Variants in CAMTA1 observed in about 807,000 individuals in gnomAD.
The protein encoded by CAMTA1 is calmodulin binding transcription activator 1.
In CAMTA1, 27 loss-of-function variants were observed where a neutral mutation model predicts 170.9. That is an observed-to-expected ratio of 0.16 (90% confidence interval 0.12 to 0.22). CAMTA1 has a LOEUF of 0.22. Among genes scored for constraint, CAMTA1 ranks in the 10% least tolerant of loss-of-function variants. The pLI is 1.00. For synonymous variants in CAMTA1, 833 were observed against 891.5 expected (o/e 0.93, Z 1.17); for missense variants, 1,619 against 2,217.2 (o/e 0.73, Z 5.42).
At chr1:7,569,709 C>A (rs960111410) in intron 6 of CAMTA1, among the ~76,000 whole-genome samples, 1 of 151,932 alleles carries the variant, frequency 6.6e-6, no homozygotes, top group Non-Finnish European at 1.5e-5. Flanking sequence ...CCATCATCAT[C>A]ACCACCATTG....
intron 5 of CAMTA1, among the ~76,000 whole-genome samples, chr1:7,378,405 G>A (rs767570935): frequency 6.6e-6 from 1 of 152,196 alleles, no homozygotes; most frequent in African/African-American, 2.4e-5. Context: ...CTATCCATAC[G>A]ATGGAATAAT....
At chr1:7,574,439 A>C (rs1307678280) in intron 6 of CAMTA1, among the ~76,000 whole-genome samples, 1 of 152,216 alleles carries the variant, frequency 6.6e-6, no homozygotes, top group Non-Finnish European at 1.5e-5. Flanking sequence ...TGCACAGCCC[A>C]GGATGTGCAG....
At chr1:7,717,257 T>C (rs529304619) in intron 11 of CAMTA1, among the ~76,000 whole-genome samples, 97 of 152,246 alleles carry the variant, frequency 6.4e-4, no homozygotes, top group African/African-American at 2.3e-3. Flanking sequence ...AGAGGGTAGA[T>C]GTTAAATGCC....
intron 6 of CAMTA1, among the ~76,000 whole-genome samples, chr1:7,629,637 C>G (rs1233526160): frequency 6.6e-6 from 1 of 152,206 alleles, no homozygotes. Flanking sequence ...CCACTGTTAT[C>G]TTTCTGGACC....
chr1:7,738,834 T>C lies in CAMTA1; in HGVS notation c.4182+352T>C, dbSNP rs1167829460. 1.3e-5 allele frequency among the ~76,000 whole-genome samples: 2 copies of C among 149,988 alleles called. No homozygotes were observed. The highest frequency in any genetic ancestry group is 3.0e-5 in the Non-Finnish European group (2 of 66,832). On this transcript the variant is annotated intron_variant, in intron 16 of 22. Coordinates refer to ENST00000303635, the MANE Select transcript of CAMTA1 (RefSeq NM_015215.4). This position sits in a 1 kb window ranked among gnomAD's most constrained non-coding sequence, Gnocchi z 4.9. ...TAAGTACTAGTTACTAGTTAGAATA[T>C]AGTCAAGACCTAAAAATAGCTAGAA...
intron 4 of CAMTA1, among the ~76,000 whole-genome samples, chr1:7,171,214 TC>T (rs1359292937): frequency 6.6e-6 from 1 of 152,194 alleles, no homozygotes; most frequent in African/African-American, 2.4e-5. Context: ...AGTGGCCAGT[TC>T]AAGAAAGGTT....
At chr1:6,807,765 G>C (rs1644693730) in intron 1 of CAMTA1, among the ~76,000 whole-genome samples, 1 of 151,556 alleles carries the variant, frequency 6.6e-6, no homozygotes, top group East Asian at 1.9e-4. Context: ...TCCATGGTTA[G>C]CTATTTAGAA....
intron 3 of CAMTA1, among the ~76,000 whole-genome samples, chr1:6,939,487 C>T (rs548971383): frequency 3.9e-5 from 6 of 152,266 alleles, no homozygotes; most frequent in South Asian, 4.1e-4. Flanking sequence ...CTGCCAGCAC[C>T]GCCCATGGGC....
chr1:7,615,908 C>T (rs1243328001), intron 6 of CAMTA1, among the ~76,000 whole-genome samples: 3 of 152,238 alleles, frequency 2.0e-5, no homozygotes, highest in Non-Finnish European at 4.4e-5. Context: ...TCAGGCCTGC[C>T]ATTCACATCC....
intron 5 of CAMTA1, among the ~76,000 whole-genome samples, chr1:7,350,877 G>A (rs535632265): frequency 6.6e-6 from 1 of 152,370 alleles, no homozygotes; most frequent in East Asian, 1.9e-4. Flanking sequence ...TCCCGTAGGG[G>A]ATGAGAAGGG....
At chr1:6,790,597 G>A (rs904537473) in intron 1 of CAMTA1, among the ~76,000 whole-genome samples, 1 of 151,950 alleles carries the variant, frequency 6.6e-6, no homozygotes, top group African/African-American at 2.4e-5. Context: ...TTTTTCTTCG[G>A]ATTAACTGGT....
At chr1:7,155,496 A>G (rs1376040155) in intron 4 of CAMTA1, among the ~76,000 whole-genome samples, 1 of 147,686 alleles carries the variant, frequency 6.8e-6, no homozygotes, top group Non-Finnish European at 1.5e-5. Flanking sequence ...GTCATTAACG[A>G]GCCATGAGGC....
At chr1:7,550,779 C>G (rs1193157) in intron 6 of CAMTA1, among the ~76,000 whole-genome samples, 81,222 of 111,538 alleles carry the variant, frequency 0.73, 30,544 homozygotes, top group African/African-American at 0.81. Context: ...CCTCTCCTAC[C>G]TGACCGTCTT....
intron 4 of CAMTA1, among the ~76,000 whole-genome samples, chr1:7,155,848 GCA>G (rs1449962779): frequency 6.6e-6 from 1 of 152,194 alleles, no homozygotes; most frequent in Non-Finnish European, 1.5e-5. Context: ...CGTTTGCTGT[GCA>G]CGTGCCTGGG....
At chr1:7,077,432 C>G (rs1639448471) in intron 3 of CAMTA1, among the ~76,000 whole-genome samples, 1 of 151,900 alleles carries the variant, frequency 6.6e-6, no homozygotes, top group South Asian at 2.1e-4. Context: ...GTGTTGTACC[C>G]CTTGTATGGG....
rs374943938 is a variant in CAMTA1, at chr1:7,175,055, C to CGTGT, written c.303-74425_303-74422dup. Among the ~76,000 whole-genome samples, 8 of 150,976 alleles carry CGTGT rather than the reference C, an allele frequency of 5.3e-5. No individual in the cohort carries two copies. In the East Asian group the frequency reaches 1.6e-3, roughly 29 times the overall value. On this transcript the variant is annotated intron_variant, in intron 4 of 22. Transcript: ENST00000303635. ...CTTGGTACATCCTGGTGTGTGTGTG[C>CGTGT]GTGTGTGTGTGTGTATGTGCGTGTC...
At chr1:7,640,808 G>A (rs2095754604) in intron 7 of CAMTA1, among the ~76,000 whole-genome samples, 1 of 152,206 alleles carries the variant, frequency 6.6e-6, no homozygotes, top group Non-Finnish European at 1.5e-5. Flanking sequence ...GAGACACAGA[G>A]CATGTAGAGG....
intron 5 of CAMTA1, among the ~76,000 whole-genome samples, chr1:7,373,628 A>G (rs2086642709): frequency 6.6e-6 from 1 of 152,186 alleles, no homozygotes; most frequent in Admixed American, 6.5e-5. Context: ...CTTCCAGACA[A>G]CTTTGCTTTT....
chr1:7,557,019 G>A (rs2094887702), intron 6 of CAMTA1, among the ~76,000 whole-genome samples: 1 of 152,126 alleles, frequency 6.6e-6, no homozygotes, highest in Non-Finnish European at 1.5e-5. Context: ...TTGTTAACAT[G>A]TTCAACAGCC....
Sources: allele counts gnomAD v4.1 joint callset (sites outside exome capture counted in the v4.1 genomes callset), GRCh38; gene constraint gnomAD v4.1.1; non-coding constraint Gnocchi (gnomAD v3.1); transcripts MANE v1.5; gene names NCBI Gene and HGNC (gene_info 2026-07-23, HGNC 2026-07-21).